MEI4: variants seen among roughly 807,000 people sequenced by gnomAD.
The protein encoded by MEI4 is meiosis-specific protein MEI4.
In MEI4, 27 loss-of-function variants were observed where a neutral mutation model predicts 31.4. The ratio of observed to expected loss-of-function variants is 0.86; its 90% CI spans 0.63 to 1.19. MEI4 has a LOEUF of 1.19. Among genes scored for constraint, MEI4 ranks in the 50% most tolerant of loss-of-function variants. The pLI, the probability that MEI4 is intolerant of heterozygous loss-of-function variation, is 0.00. For synonymous variants in MEI4, 122 were observed against 145.4 expected (o/e 0.84, Z 1.16); for missense variants, 329 against 398.9 (o/e 0.82, Z 1.49).
chr6:77,841,333 A>ATATATATATATATATTTTTT, intron 4 of MEI4, among the ~76,000 whole-genome samples: 31 of 27,732 alleles, frequency 1.1e-3, no homozygotes, highest in African/African-American at 3.3e-3. Flanking sequence ...ATATATATAT[A>ATATATATATATATATTTTTT]TTTTTTTTTT....
chr6:77,737,102 A>G (rs1767265787), intron 2 of MEI4, among the ~76,000 whole-genome samples: 1 of 152,252 alleles, frequency 6.6e-6, no homozygotes, highest in East Asian at 1.9e-4. Flanking sequence ...AACATGCTGC[A>G]TTCTGTAGGC....
chr6:77,753,291 A>C (rs1767828164), intron 2 of MEI4, among the ~76,000 whole-genome samples: 1 of 152,230 alleles, frequency 6.6e-6, no homozygotes, highest in Admixed American at 6.5e-5. Flanking sequence ...ACAGCAGAAG[A>C]AACTATCATC....
At chr6:77,659,435 C>T (rs901975502) in intron 1 of MEI4, among the ~76,000 whole-genome samples, 1 of 152,074 alleles carries the variant, frequency 6.6e-6, no homozygotes, top group African/African-American at 2.4e-5. Context: ...GTGTCTTGTA[C>T]CCAGATTCCT....
chr6:77,738,353 C>G (rs1259944947), intron 2 of MEI4, among the ~76,000 whole-genome samples: 1 of 152,114 alleles, frequency 6.6e-6, no homozygotes, highest in Non-Finnish European at 1.5e-5. Context: ...TTGGTATATT[C>G]AAAGTTAGAA....
upstream of MEI4, among the ~76,000 whole-genome samples, chr6:77,651,727 G>A (rs1768304315): frequency 1.3e-5 from 2 of 152,160 alleles, no homozygotes; most frequent in Non-Finnish European, 2.9e-5. Flanking sequence ...TAAAGAGCAT[G>A]TGTAATTTGA....
chr6:77,912,431 A>G (rs1477795959), intron 4 of MEI4, among the ~76,000 whole-genome samples: 1 of 152,032 alleles, frequency 6.6e-6, no homozygotes, highest in Non-Finnish European at 1.5e-5. Flanking sequence ...TTCAATGTTA[A>G]TTATTCCTAT....
chr6:77,692,404 C>T (rs1055122796), intron 2 of MEI4, among the ~76,000 whole-genome samples: 9 of 152,094 alleles, frequency 5.9e-5, no homozygotes, highest in Middle Eastern at 6.8e-3. Flanking sequence ...TTACTTGTTG[C>T]CCAGCTCAAA....
At chr6:77,853,770 T>G (rs538850466) in intron 4 of MEI4, among the ~76,000 whole-genome samples, 2 of 152,158 alleles carry the variant, frequency 1.3e-5, no homozygotes, top group Admixed American at 6.5e-5. Flanking sequence ...GTTAGAAGAA[T>G]AGGGAATGAG....
intron 2 of MEI4, among the ~76,000 whole-genome samples, chr6:77,754,700 T>G (rs182964367): frequency 4.7e-4 from 71 of 152,328 alleles, no homozygotes; most frequent in Non-Finnish European, 8.4e-4. Flanking sequence ...AATGAGGTTC[T>G]GTTGACTCAC....
chr6:77,802,068 G>C (rs1341768487), intron 3 of MEI4, among the ~76,000 whole-genome samples: 2 of 152,084 alleles, frequency 1.3e-5, no homozygotes, highest in East Asian at 1.9e-4. Context: ...TTGACAGTGG[G>C]TTGTTAAAGT....
intron 3 of MEI4, among the ~76,000 whole-genome samples, chr6:77,816,145 GTTAC>G (rs1769684621): frequency 6.6e-6 from 1 of 152,000 alleles, no homozygotes; most frequent in African/African-American, 2.4e-5. Context: ...GTACCTCTGG[GTTAC>G]TTAATCAGCT....
chr6:77,743,513 G>A (rs535597698), intron 2 of MEI4, among the ~76,000 whole-genome samples: 6 of 152,246 alleles, frequency 3.9e-5, no homozygotes, highest in South Asian at 2.1e-4. Flanking sequence ...AGCTTAAGGA[G>A]ATTTTGGGCT....
chr6:77,733,457 T>C lies in MEI4; in HGVS notation c.233-27673T>C, dbSNP rs149281819. 7.0e-3 allele frequency among the ~76,000 whole-genome samples: 1,072 copies of C among 152,256 alleles called. 26 individuals are homozygous for C. The highest frequency in any genetic ancestry group is 0.024 in the African/African-American group (1,012 of 41,490). The stretch of plus-strand genomic sequence containing the variant: ...TCTCTGATGGTAGTTTGTATTTCTG[T>C]GTGATCGGTGGTGGTATCCCGTTTA... On this transcript the variant is annotated intron_variant, in intron 2 of 4. Transcript: ENST00000684080.
intron 1 of MEI4, among the ~76,000 whole-genome samples, chr6:77,665,908 G>C (rs540731424): frequency 1.3e-5 from 2 of 152,240 alleles, no homozygotes; most frequent in Non-Finnish European, 2.9e-5. Flanking sequence ...ACCTGAGGTC[G>C]TAGGTGGATC....
intron 4 of MEI4, among the ~76,000 whole-genome samples, chr6:77,884,362 T>C (rs765085696): frequency 3.3e-5 from 5 of 152,208 alleles, no homozygotes; most frequent in Non-Finnish European, 5.9e-5. Flanking sequence ...TTTAATGTAA[T>C]AGTAATATGT....
intron 4 of MEI4, among the ~76,000 whole-genome samples, chr6:77,836,787 G>A (rs574530664): frequency 7.9e-5 from 12 of 152,100 alleles, no homozygotes; most frequent in African/African-American, 2.4e-4. Context: ...TAAGATCTAC[G>A]AAGCCTGGCT....
chr6:77,914,756 T>C (rs1185984895), intron 4 of MEI4, among the ~76,000 whole-genome samples: 1 of 152,146 alleles, frequency 6.6e-6, no homozygotes, highest in Non-Finnish European at 1.5e-5. Context: ...CTGTAGACAA[T>C]GGTGTTGGGT....
intron 1 of MEI4, among the ~76,000 whole-genome samples, chr6:77,671,813 A>T (rs1768747067): frequency 6.6e-6 from 1 of 152,184 alleles, no homozygotes; most frequent in Non-Finnish European, 1.5e-5. Flanking sequence ...TTTAGGACCT[A>T]TACATAGGAG....
At chr6:77,696,103 C>T (rs372012154) in intron 2 of MEI4, among the ~76,000 whole-genome samples, 2 of 152,102 alleles carry the variant, frequency 1.3e-5, no homozygotes, top group Non-Finnish European at 2.9e-5. Context: ...GTGAGTTTTG[C>T]ACATTGATTT....
Sources: gnomAD v4.1 joint callset for allele counts (sites outside exome capture counted in the v4.1 genomes callset) on GRCh38, gnomAD v4.1.1 for gene constraint, MANE v1.5 for transcripts, NCBI Gene and HGNC (gene_info 2026-07-23, HGNC 2026-07-21) for gene names.